SUCO: variants seen among roughly 807,000 people sequenced by gnomAD.
SUCO encodes SUN domain-containing ossification factor.
Under a neutral mutation model 148.1 loss-of-function variants are expected in SUCO, and 57 were observed. The observed-to-expected ratio is 0.38, with a 90% CI of 0.31 to 0.48. The LOEUF is 0.48. SUCO is among the 20% of genes least tolerant of loss of function. The pLI, the probability that SUCO is intolerant of heterozygous loss-of-function variation, is 0.96. For missense variants in SUCO, 1,331 were observed against 1,468.2 expected (o/e 0.91, Z 1.53); for synonymous variants, 470 against 502.7 (o/e 0.93, Z 0.87).
At chr1:172,608,840 T>C in intron 23 of SUCO, 38 bp downstream of exon 23, 2 of 1,356,742 alleles carry the variant, frequency 1.5e-6, no homozygotes, top group Non-Finnish European at 2.1e-6. Context: ...TTGCTATGTT[T>C]TGTGATAATA....
intron 6 of SUCO, among the ~76,000 whole-genome samples, chr1:172,564,581 C>T (rs1654422005): frequency 6.6e-6 from 1 of 152,002 alleles, no homozygotes; most frequent in Non-Finnish European, 1.5e-5. Context: ...CCTGTACAGC[C>T]TGCAGAACTG....
At chr1:172,608,172 G>T in intron 22 of SUCO, 2 of 736,514 alleles carry the variant, frequency 2.7e-6, no homozygotes, top group Non-Finnish European at 3.3e-6. Flanking sequence ...ATTGCTTAGT[G>T]ATATATATTG....
chr1:172,547,793 C>T (rs1226910300), intron 1 of SUCO, among the ~76,000 whole-genome samples: 1 of 151,996 alleles, frequency 6.6e-6, no homozygotes, highest in Non-Finnish European at 1.5e-5. Context: ...ATTTTTGTGT[C>T]AATGTAACAT....
At chr1:172,592,962 G>A (rs1162313978) in intron 19 of SUCO, among the ~76,000 whole-genome samples, 4 of 152,096 alleles carry the variant, frequency 2.6e-5, no homozygotes, top group Non-Finnish European at 5.9e-5. Flanking sequence ...TTCAGCAGTG[G>A]TTTGTAGTTC....
chr1:172,602,178 T>A lies in SUCO; in HGVS notation c.3133T>A (p.Ser1045Thr). Reference sequence around the variant, plus strand: ...TTCTCAATTTGATGGAGATTATATTTCAAAACTTCCTAAAAGTAATCAGTA... The same window carrying A: ...TTCTCAATTTGATGGAGATTATATTACAAAACTTCCTAAAAGTAATCAGTA... The part of the protein sequence containing the change: ...NTSQFDGDYI[S>T]KLPKSNQYPS... The change falls in exon 21 of 24, where the codon TCA becomes ACA. Residue 1045 changes from serine to threonine, a missense_variant. Physicochemically the swap from Ser to Thr is moderately conservative, Grantham distance 58. Coordinates refer to ENST00000263688, the MANE Select transcript of SUCO (RefSeq NM_014283.5). 6.2e-7 allele frequency: 1 copy of A among 1,613,476 alleles called. No individual in the cohort carries two copies. Among genetic ancestry groups the A allele is most frequent in the Non-Finnish European group, 8.5e-7 (1 of 1,179,728 alleles).
intron 19 of SUCO, among the ~76,000 whole-genome samples, chr1:172,597,672 C>G (rs560923137): frequency 6.6e-6 from 1 of 152,052 alleles, no homozygotes; most frequent in Non-Finnish European, 1.5e-5. Context: ...TGACCGTTCC[C>G]CTATCTTGCT....
At chr1:172,608,507 A>G (rs1657999647) in intron 22 of SUCO, 2 of 504,078 alleles carry the variant, frequency 4.0e-6, no homozygotes, top group African/African-American at 2.0e-5. Flanking sequence ...AACTTAAGGA[A>G]GTATAGTTAT....
intron 8 of SUCO, chr1:172,570,393 T>G: frequency 2.1e-6 from 1 of 483,430 alleles, no homozygotes; most frequent in Non-Finnish European, 3.6e-6. Flanking sequence ...CCGTATGAAA[T>G]TTTAAAAAGG....
At chr1:172,592,258 T>C (rs1179643002) in intron 19 of SUCO, among the ~76,000 whole-genome samples, 2 of 152,244 alleles carry the variant, frequency 1.3e-5, no homozygotes, top group Non-Finnish European at 2.9e-5. Context: ...TTTCTTTTGC[T>C]GTGCAGAAGC....
rs1657556243 is a variant in SUCO at position 172,601,937 on chromosome 1, G to C, written c.3019-127G>C. 3 of 893,378 alleles carry C rather than the reference G, an allele frequency of 3.4e-6. No homozygotes were observed. In the East Asian group the frequency reaches 8.7e-5, roughly 26 times the overall value. 55.3% of individuals were successfully genotyped at this position (893,378 alleles called of 1,614,324 possible). A position where few individuals can be genotyped will look rare whatever the true frequency, so the allele number is the denominator to read the frequency against. On this transcript the variant is annotated intron_variant, in intron 20 of 23. Transcript: ENST00000263688. ...AGTTTATTTTCAAAGAGCATGCCCT[G>C]CATTTCTGGTCTTTGAAGCACATTA...
In SUCO at chr1:172,573,920, A is replaced by G; in HGVS notation, c.1079A>G (p.Gln360Arg). 3 of 1,599,778 alleles carry G rather than the reference A, an allele frequency of 1.9e-6. No individual in the cohort carries two copies. Among genetic ancestry groups the G allele is most frequent in the Non-Finnish European group, 1.7e-6 (2 of 1,170,048 alleles). The part of the protein sequence containing the change: ...WFVIELCEPI[Q>R]VKQLDIANYE... ...GTTATTGAACTTTGTGAACCAATTC[A>G]AGTAAAACAGCTTGATATTGCAAAT... The change falls in exon 10 of 24, where the codon CAA (glutamine) becomes CGA (arginine). Residue 360 changes from glutamine to arginine, a missense_variant. Coordinates refer to ENST00000263688, the MANE Select transcript of SUCO (RefSeq NM_014283.5).
At chr1:172,540,229 C>T (rs1041565965) in intron 1 of SUCO, among the ~76,000 whole-genome samples, 2 of 152,124 alleles carry the variant, frequency 1.3e-5, no homozygotes, top group African/African-American at 2.4e-5. Flanking sequence ...TTCTCTTAAC[C>T]GGTATGCTGT....
At chr1:172,570,858 A>G (rs906972763) in intron 9 of SUCO, 128 bp downstream of exon 9, 3 of 603,236 alleles carry the variant, frequency 5.0e-6, no homozygotes, top group Non-Finnish European at 8.4e-6. Flanking sequence ...TGCTGATACT[A>G]TGCAAAACTG....
rs1482494542 is a variant in SUCO at position 172,589,558 on chromosome 1, G to A, written c.2457G>A (p.Lys819=). 6.2e-7 allele frequency: 1 copy of A among 1,613,582 alleles called. No homozygotes were observed. Among genetic ancestry groups the A allele is most frequent in the African/African-American group, 1.3e-5 (1 of 74,880 alleles). Residue 819 remains lysine (K), a synonymous_variant, in exon 18 of 24, where the codon AAG becomes AAA. Coordinates refer to ENST00000263688, the MANE Select transcript of SUCO (RefSeq NM_014283.5). ...EDVNSMQIFT[K]LSETIVPPIN... ...TGAACTCCATGCAAATTTTCACAAA[G>A]CTGTCTGAAACAATAGTGCCACCAA...
At chr1:172,554,010 T>C (rs1397291178) in intron 3 of SUCO, among the ~76,000 whole-genome samples, 1 of 152,168 alleles carries the variant, frequency 6.6e-6, no homozygotes, top group Non-Finnish European at 1.5e-5. Context: ...ATCTCGAATA[T>C]TAAAAAAAGA....
At chr1:172,575,482 AT>A (rs1340030094) in intron 10 of SUCO, 35 bp from the exon 11 acceptor site, 1 of 1,467,542 alleles carries the variant, frequency 6.8e-7, no homozygotes, top group Admixed American at 1.9e-5. Context: ...GTGGTTTATA[AT>A]TTTTAAAAAA....
chr1:172,551,268 A>G (rs1324116644), intron 1 of SUCO, among the ~76,000 whole-genome samples: 2 of 152,050 alleles, frequency 1.3e-5, no homozygotes, highest in Non-Finnish European at 2.9e-5. Context: ...TCTGGTGAAG[A>G]CTTTCCTGTT....
Position 172,589,102 on chromosome 1 carries a change from A to C in SUCO, c.2001A>C (p.Leu667=), listed in dbSNP as rs201031783. The C allele has an allele frequency of 2.4e-5, 38 of 1,613,446 alleles. No homozygotes were observed. Among genetic ancestry groups the C allele is most frequent in the Admixed American group, 1.7e-5 (1 of 59,936 alleles). The part of the protein sequence containing the change: ...DYLVLAQPPL[L]LPAESVDVSV... ...TTGTGTTAGCTCAACCACCCTTACT[A>C]CTTCCTGCGGAATCAGTAGATGTTT... The change falls in exon 18 of 24, where the codon CTA becomes CTC. Residue 667 remains leucine (L), a synonymous_variant. Coordinates refer to ENST00000263688, the MANE Select transcript of SUCO (RefSeq NM_014283.5).
chr1:172,608,478 T>C, intron 22 of SUCO: 2 of 441,230 alleles, frequency 4.5e-6, no homozygotes, highest in Non-Finnish European at 8.1e-6. Flanking sequence ...TATTGGTTGA[T>C]AACCAGCTAC....
Sources: allele counts gnomAD v4.1 joint callset (sites outside exome capture counted in the v4.1 genomes callset), GRCh38; gene constraint gnomAD v4.1.1; transcripts MANE v1.5; gene names NCBI Gene and HGNC (gene_info 2026-07-23, HGNC 2026-07-21).